TFPT: variants seen among roughly 807,000 people sequenced by gnomAD.
The protein encoded by TFPT is TCF3 fusion partner, also known as INO80 complex subunit F.
Under a neutral mutation model 28.8 loss-of-function variants are expected in TFPT, and 27 were observed. The observed-to-expected ratio is 0.94, with a 90% CI of 0.69 to 1.29. The LOEUF (loss-of-function observed/expected upper bound fraction) is 1.29, where lower values mean the gene tolerates loss of function less well. TFPT is among the 50% of genes most tolerant of loss of function. The probability of loss-of-function intolerance (pLI) is 0.00; values close to 1 mark genes in which losing one functional copy is unlikely to be tolerated. For synonymous variants in TFPT, 152 were observed against 142.8 expected (o/e 1.06, Z -0.46); for missense variants, 330 against 338.0 (o/e 0.98, Z 0.19).
At chr19:54,109,998 G>A in intron 3 of TFPT, 53 bp downstream of exon 3, 1 of 1,571,444 alleles carries the variant, frequency 6.4e-7, no homozygotes, top group Non-Finnish European at 8.8e-7. Context: ...GAGGGGCTGG[G>A]AGCATTTGGG....
rs2073410317 is a variant in TFPT, at chr19:54,110,106, G to A, written c.298C>T (p.Leu100=). ...CTCTGCACCTGATGGAGCCTGTTCA[G>A]GACCCGCTCGTTCACCTATGGGGTG... is the stretch of plus-strand genomic sequence containing the variant. ...REIEQVNERV[L]NRLHQVQRIT... Residue 100 remains leucine, a synonymous_variant, in exon 3 of 6, where the codon CTG becomes TTG. Transcript: ENST00000391759. 1 of 1,614,008 alleles carries A rather than the reference G, an allele frequency of 6.2e-7. No individual in the cohort carries two copies. The highest frequency in any genetic ancestry group is 1.7e-5 in the Admixed American group (1 of 59,988).
chr19:54,109,621 C>G lies in TFPT; in HGVS notation c.353+430G>C, dbSNP rs587595881. Among the ~76,000 whole-genome samples the G allele has an allele frequency of 2.0e-5, 3 of 152,260 alleles. No homozygotes were observed. The East Asian group carries it at 5.8e-4, about 29-fold the overall frequency. ...TCAGCTCACCACCTGCAAGCTCCGACAACCCTGCCGCAGCCTCATGATATT... is the reference window on the plus strand; with the variant it reads ...TCAGCTCACCACCTGCAAGCTCCGAGAACCCTGCCGCAGCCTCATGATATT... On this transcript the variant is annotated intron_variant, in intron 3 of 5. Transcript: ENST00000391759.
rs1201071341 is a variant in TFPT, at chr19:54,114,533, TC to T, written c.190del (p.Glu64LysfsTer14). 2 of 1,613,836 alleles carry T rather than the reference TC, an allele frequency of 1.2e-6. No individual in the cohort carries two copies. Among genetic ancestry groups the T allele is most frequent in the Non-Finnish European group, 1.7e-6 (2 of 1,180,004 alleles). On this transcript the variant is annotated frameshift_variant, in exon 2 of 6. Transcript: ENST00000391759. LOFTEE classifies it high-confidence loss of function. ...GSGLRERDEE[E>X]EAARGRRRRQ... ...CCGCCGCCGACCCCGGGCTGCCTCT[TC>T]CTCTTCATCTCGCTCCCGGAGCCCT...
In TFPT at chr19:54,108,011, TC is replaced by T. The variant is rs1478002799; in HGVS notation, c.642+14del. On this transcript the variant is annotated intron_variant, in intron 5 of 5. Coordinates refer to ENST00000391759, the MANE Select transcript of TFPT (RefSeq NM_013342.4). ...GGAGCCCCAGTCCCTCCCCTTGAGT[TC>T]CCGCCTTCCTCACCTGCACCGGGGC... is the stretch of plus-strand genomic sequence containing the variant. 4.0e-6 allele frequency: 6 copies of T among 1,515,100 alleles called. No homozygotes were observed. The African/African-American group carries it at 8.4e-5, about 21-fold the overall frequency. 93.9% of individuals were successfully genotyped at this position (1,515,100 alleles called of 1,614,324 possible). A position where few individuals can be genotyped will look rare whatever the true frequency, so the allele number is the denominator to read the frequency against.
At position 54,115,569 on chromosome 19, in the gene TFPT, C is replaced by T. The variant is rs2073603559; in HGVS notation, c.-300G>A. The T allele has an allele frequency of 1.7e-6, 1 of 574,982 alleles. No individual in the cohort carries two copies. Among genetic ancestry groups the T allele is most frequent in the Non-Finnish European group, 3.1e-6 (1 of 322,058 alleles). The allele number at this position is 574,982 out of a possible 1,614,324, so 35.6% of individuals were successfully genotyped here. ...CCCGTCGTCCGGCCACAGCGATTCTCTGCTTAGCAGGATCGGTCCACAGCG... is the reference window on the plus strand; with the variant it reads ...CCCGTCGTCCGGCCACAGCGATTCTTTGCTTAGCAGGATCGGTCCACAGCG... On this transcript the variant is annotated 5_prime_UTR_variant, in exon 1 of 6. Coordinates refer to ENST00000391759, the MANE Select transcript of TFPT (RefSeq NM_013342.4).
At chr19:54,112,653 G>A (rs2073487263) in intron 2 of TFPT, among the ~76,000 whole-genome samples, 2 of 152,028 alleles carry the variant, frequency 1.3e-5, no homozygotes, top group African/African-American at 2.4e-5. Flanking sequence ...GCCAGGTGTG[G>A]TGGTGTGTGC....
chr19:54,109,275 C>G (rs1209267971), intron 3 of TFPT: 6 of 152,662 alleles, frequency 3.9e-5, no homozygotes, highest in African/African-American at 1.4e-4. Context: ...CAGAGGAACC[C>G]TGGGAGCCGC....
At chr19:54,110,195 CA>C in intron 2 of TFPT, 74 bp from the exon 3 acceptor site, 1 of 1,509,180 alleles carries the variant, frequency 6.6e-7, no homozygotes, top group Non-Finnish European at 9.2e-7. Flanking sequence ...TTTAATGGGG[CA>C]CGCACTAAAC....
At chr19:54,109,797 C>CCT (rs1568567553) in intron 3 of TFPT, among the ~76,000 whole-genome samples, 2 of 44,456 alleles carry the variant, frequency 4.5e-5, no homozygotes, top group East Asian at 5.8e-4. Flanking sequence ...GGAGGATGCC[C>CCT]TCCACCCGGC....
Position 54,110,447 on chromosome 19 carries a change from C to G in TFPT, c.283-326G>C, listed in dbSNP as rs2073421641. ...TCCCATTAAGTCGAAACACACCAGG[C>G]CAGGTGCGGTGGCTCACGCCTGTAA... On this transcript the variant is annotated intron_variant, in intron 2 of 5. Transcript: ENST00000391759. 2.0e-5 allele frequency among the ~76,000 whole-genome samples: 3 copies of G among 152,316 alleles called. No homozygotes were observed. The South Asian group carries it at 6.2e-4, about 32-fold the overall frequency.
chr19:54,114,951 G>A, intron 1 of TFPT: 1 of 667,156 alleles, frequency 1.5e-6, no homozygotes, highest in South Asian at 2.1e-5. Flanking sequence ...CAGGATGCAA[G>A]AGTCCAGACC....
intron 1 of TFPT, chr19:54,114,984 A>T: frequency 1.5e-6 from 1 of 662,184 alleles, no homozygotes. Context: ...CTCTCCAAGG[A>T]CCCAGGGAGT....
chr19:54,107,936 T>C (rs1262341215), intron 5 of TFPT, 90 bp downstream of exon 5: 14 of 1,373,588 alleles, frequency 1.0e-5, no homozygotes, highest in South Asian at 1.5e-5. Context: ...GCCCCAGCCC[T>C]GGCCCCTCCC....
Position 54,112,281 on chromosome 19 carries a change from C to T in TFPT, c.283-2160G>A, listed in dbSNP as rs1486466512. Among the ~76,000 whole-genome samples the T allele has an allele frequency of 2.0e-5, 3 of 151,624 alleles. No individual in the cohort carries two copies. The East Asian group carries it at 5.8e-4, about 30-fold the overall frequency. On this transcript the variant is annotated intron_variant, in intron 2 of 5. Transcript: ENST00000391759. ...AAAAAAAAAAAAAATCTCAGATCTG[C>T]CACTGCTGAGCTCTGAGCTTGGGTG...
At chr19:54,114,230 G>A (rs587699142) in intron 2 of TFPT, among the ~76,000 whole-genome samples, 2 of 152,364 alleles carry the variant, frequency 1.3e-5, no homozygotes, top group East Asian at 3.9e-4. Context: ...GAACCCATCT[G>A]CGTTGTCAGG....
At position 54,115,277 on chromosome 19, in the gene TFPT, A is replaced by T. The variant is rs773500161; in HGVS notation, c.-8T>A. On this transcript the variant is annotated 5_prime_UTR_variant, in exon 1 of 6. Transcript: ENST00000391759. Reference sequence around the variant, plus strand: ...TCTCTGCTCCAATTCCATCTCCGCGACCTCCGGAAGCCCCGGGCCTCAGAG... The same window carrying T: ...TCTCTGCTCCAATTCCATCTCCGCGTCCTCCGGAAGCCCCGGGCCTCAGAG... The T allele has an allele frequency of 1.2e-6, 2 of 1,613,518 alleles. No individual in the cohort carries two copies. Among genetic ancestry groups the T allele is most frequent in the Non-Finnish European group, 1.7e-6 (2 of 1,179,964 alleles).
chr19:54,109,636 C>T (rs1422169103), intron 3 of TFPT, among the ~76,000 whole-genome samples: 1 of 152,142 alleles, frequency 6.6e-6, no homozygotes, highest in East Asian at 1.9e-4. Context: ...CTGCCGCAGC[C>T]TCATGATATT....
At chr19:54,108,586 G>A in intron 3 of TFPT, 191 bp from the exon 4 acceptor site, 1 of 1,570,148 alleles carries the variant, frequency 6.4e-7, no homozygotes, top group Non-Finnish European at 8.6e-7. Flanking sequence ...AGCAAGACAA[G>A]GCAACCATTC....
Position 54,115,493 on chromosome 19 carries a change from C to A in TFPT, c.-224G>T. The A allele has an allele frequency of 1.6e-6, 1 of 612,316 alleles. No homozygotes were observed. Among genetic ancestry groups the A allele is most frequent in the Non-Finnish European group, 2.9e-6 (1 of 348,340 alleles). The allele number at this position is 612,316 out of a possible 1,614,324, so 37.9% of individuals were successfully genotyped here. On this transcript the variant is annotated 5_prime_UTR_variant, in exon 1 of 6. Transcript: ENST00000391759. ...TTAAAGGCCTTGCTTTCTTGTCTAA[C>A]GCCGCAACCAGTCCTCTGAGTTGCC...
Sources: allele counts gnomAD v4.1 joint callset (sites outside exome capture counted in the v4.1 genomes callset), GRCh38; gene constraint gnomAD v4.1.1; transcripts MANE v1.5; gene names NCBI Gene and HGNC (gene_info 2026-07-23, HGNC 2026-07-21).